The following HSPA12A variants were observed in gnomAD, a reference collection of about 807,000 sequenced individuals.
The protein encoded by HSPA12A is heat shock 70 kDa protein 12A.
HSPA12A carries 28 observed loss-of-function variants against 69.2 expected under a neutral mutation model. That is an observed-to-expected ratio of 0.40 (90% CI 0.30 to 0.55). HSPA12A has a LOEUF of 0.55. HSPA12A is among the 20% of genes least tolerant of loss of function. The pLI, the probability that HSPA12A is intolerant of heterozygous loss-of-function variation, is 0.38. For synonymous variants in HSPA12A, 345 were observed against 370.5 expected, an observed-to-expected ratio of 0.93 and a Z score of 0.79; for missense variants, 686 against 900.7, an observed-to-expected ratio of 0.76 and a Z score of 3.05.
chr10:116,834,263 T>C (rs1023894835), intron 2 of HSPA12A, among the ~76,000 whole-genome samples: 3 of 152,196 alleles, frequency 2.0e-5, no homozygotes, highest in African/African-American at 7.2e-5. Context: ...ATGACACTTC[T>C]ACAACTGACC....
At chr10:116,841,786 T>G (rs1845805464) in intron 1 of HSPA12A, among the ~76,000 whole-genome samples, 1 of 152,074 alleles carries the variant, frequency 6.6e-6, no homozygotes, top group African/African-American at 2.4e-5. Flanking sequence ...GACTGTTTTT[T>G]CTTTTTTTTT....
intron 1 of HSPA12A, among the ~76,000 whole-genome samples, chr10:116,714,833 G>C (rs1240216052): frequency 6.6e-6 from 1 of 152,178 alleles, no homozygotes; most frequent in African/African-American, 2.4e-5. Flanking sequence ...CAGCCTCTGG[G>C]CACTGCACAT....
chr10:116,809,347 T>A (rs972186549), intron 2 of HSPA12A, among the ~76,000 whole-genome samples: 1 of 152,178 alleles, frequency 6.6e-6, no homozygotes. Flanking sequence ...TGAACCCTCA[T>A]GAAGGCAAAA....
chr10:116,811,731 G>A (rs1218129954), intron 2 of HSPA12A, among the ~76,000 whole-genome samples: 1 of 152,182 alleles, frequency 6.6e-6, no homozygotes, highest in African/African-American at 2.4e-5. Flanking sequence ...CCTGCGCTCC[G>A]TAGGGCTCTG....
upstream of HSPA12A, among the ~76,000 whole-genome samples, chr10:116,746,083 TG>T (rs1239075239): frequency 3.3e-5 from 5 of 151,912 alleles, no homozygotes; most frequent in African/African-American, 1.2e-4. Flanking sequence ...AGCAAAACAT[TG>T]ATGGAAAACA....
chr10:116,802,913 C>G (rs1844988802), intron 2 of HSPA12A, among the ~76,000 whole-genome samples: 1 of 152,246 alleles, frequency 6.6e-6, no homozygotes, highest in African/African-American at 2.4e-5. Flanking sequence ...TCTCTTCTCC[C>G]TTTGTATGTC....
intron 2 of HSPA12A, among the ~76,000 whole-genome samples, chr10:116,822,185 G>A (rs1236548944): frequency 6.6e-6 from 1 of 152,164 alleles, no homozygotes. Flanking sequence ...TTGTCCATAC[G>A]GGAACTGTCT....
Position 116,691,405 on chromosome 10 carries a change from A to G in HSPA12A, c.663+946T>C, listed in dbSNP as rs58545354. Among the ~76,000 whole-genome samples the G allele has an allele frequency of 3.7e-3, 561 of 152,316 alleles. 6 individuals carry two copies. Among genetic ancestry groups the G allele is most frequent in the African/African-American group, 0.013 (535 of 41,558 alleles). Reference sequence around the variant, plus strand: ...GGTTTTTTGTAAAGAAAGTGTCACAAACAAAATCAGAGGTACGTCTCCTGG... The same window carrying G: ...GGTTTTTTGTAAAGAAAGTGTCACAGACAAAATCAGAGGTACGTCTCCTGG... On this transcript the variant is annotated intron_variant, in intron 6 of 11. Coordinates refer to ENST00000369209, the MANE Select transcript of HSPA12A (RefSeq NM_025015.3).
intron 1 of HSPA12A, among the ~76,000 whole-genome samples, chr10:116,715,181 C>T (rs1316346386): frequency 6.6e-6 from 1 of 152,196 alleles, no homozygotes; most frequent in Non-Finnish European, 1.5e-5. Context: ...AATGGTCTCA[C>T]CCCCAGAGTT....
chr10:116,835,626 T>A (rs1845696088), intron 1 of HSPA12A, among the ~76,000 whole-genome samples: 1 of 152,238 alleles, frequency 6.6e-6, no homozygotes, highest in South Asian at 2.1e-4. Context: ...CTCTGCTGGC[T>A]CCTAAACAGT....
intron 2 of HSPA12A, among the ~76,000 whole-genome samples, chr10:116,822,542 T>C (rs1213464930): frequency 6.6e-6 from 1 of 152,156 alleles, no homozygotes; most frequent in Non-Finnish European, 1.5e-5. Flanking sequence ...ATGAATTCAG[T>C]AGGGCATTTG....
rs1259701831 is a variant in HSPA12A, at chr10:116,723,614, C to G, written c.41-16329G>C. On this transcript the variant is annotated intron_variant, in intron 1 of 11. Coordinates refer to ENST00000369209, the MANE Select transcript of HSPA12A (RefSeq NM_025015.3). This position sits in a 1 kb window ranked among gnomAD's most constrained non-coding sequence, Gnocchi z 4.1. ...CCCATAAGGAAACTCCAGCACCGAG[C>G]TGGGTGAGGTTAGGTGCTCAGGAAG... 2.0e-5 allele frequency among the ~76,000 whole-genome samples: 3 copies of G among 152,212 alleles called. No individual in the cohort carries two copies. Among genetic ancestry groups the G allele is most frequent in the Non-Finnish European group, 4.4e-5 (3 of 68,036 alleles).
At chr10:116,757,179 G>C (rs544264584) in intron 2 of HSPA12A, among the ~76,000 whole-genome samples, 12 of 152,318 alleles carry the variant, frequency 7.9e-5, no homozygotes, top group African/African-American at 2.9e-4. Flanking sequence ...AGGCTTAGCT[G>C]GGGGAAATGG....
At chr10:116,747,682 G>A (rs1851679467) in intron 2 of HSPA12A, among the ~76,000 whole-genome samples, 1 of 152,186 alleles carries the variant, frequency 6.6e-6, no homozygotes, top group African/African-American at 2.4e-5. Flanking sequence ...GTTTGTGGAT[G>A]GAATGAATAA....
chr10:116,705,645 C>T (rs1430691505), intron 2 of HSPA12A, among the ~76,000 whole-genome samples: 5 of 152,246 alleles, frequency 3.3e-5, no homozygotes, highest in African/African-American at 7.2e-5. Context: ...TGCTGCCTTC[C>T]GCAAGACCCT....
rs533322123 is a variant in HSPA12A, at chr10:116,698,400, T to A, written c.546+235A>T. Reference sequence around the variant, plus strand: ...TGGAGCTGCTGGGTCCTACGGTAACTCTGTGCTTTACTTTTTTAGGAATTG... The same window carrying A: ...TGGAGCTGCTGGGTCCTACGGTAACACTGTGCTTTACTTTTTTAGGAATTG... On this transcript the variant is annotated intron_variant, in intron 5 of 11. Coordinates refer to ENST00000369209, the MANE Select transcript of HSPA12A (RefSeq NM_025015.3). The A allele has an allele frequency of 4.1e-5, 17 of 418,970 alleles. No individual in the cohort carries two copies. The East Asian group carries it at 5.5e-4, about 13-fold the overall frequency. 26.0% of individuals were successfully genotyped at this position (418,970 alleles called of 1,614,324 possible). A position where few individuals can be genotyped will look rare whatever the true frequency, so the allele number is the denominator to read the frequency against.
chr10:116,770,317 G>A (rs1554890266), intron 2 of HSPA12A, among the ~76,000 whole-genome samples: 2 of 152,108 alleles, frequency 1.3e-5, no homozygotes, highest in African/African-American at 4.8e-5. Flanking sequence ...CAGATGAAAG[G>A]CTTCCTGCAG....
At chr10:116,676,607 C>T in intron 10 of HSPA12A, 105 bp from the exon 11 acceptor site, 1 of 919,354 alleles carries the variant, frequency 1.1e-6, no homozygotes, top group Non-Finnish European at 1.7e-6. Flanking sequence ...CACTTCTTAG[C>T]AGGCAGAAAG....
intron 2 of HSPA12A, among the ~76,000 whole-genome samples, chr10:116,802,201 A>G (rs1844972446): frequency 6.6e-6 from 1 of 152,190 alleles, no homozygotes; most frequent in South Asian, 2.1e-4. Context: ...GTTGTCATTG[A>G]AAAATCTAGA....
Sources: gnomAD v4.1 joint callset for allele counts (sites outside exome capture counted in the v4.1 genomes callset) on GRCh38, gnomAD v4.1.1 for gene constraint, Gnocchi (gnomAD v3.1) non-coding constraint, MANE v1.5 for transcripts, NCBI Gene and HGNC (gene_info 2026-07-23, HGNC 2026-07-21) for gene names.